ZNF407: variants seen among roughly 807,000 people sequenced by gnomAD.
The protein encoded by ZNF407 is zinc finger protein 407.
In ZNF407, 17 loss-of-function variants were observed where a neutral mutation model predicts 131.2. The observed-to-expected ratio is 0.13, with a 90% CI of 0.09 to 0.19. The LOEUF is 0.19. Ranked by LOEUF, ZNF407 falls within the 10% of genes least tolerant of loss-of-function variation. ZNF407 has a pLI of 1.00. For synonymous variants in ZNF407, 1,156 were observed against 1,062.0 expected (o/e 1.09, Z -1.72); for missense variants, 2,681 against 2,830.6 (o/e 0.95, Z 1.20).
intron 8 of ZNF407, among the ~76,000 whole-genome samples, chr18:74,942,512 A>G (rs571982796): frequency 1.3e-5 from 2 of 152,178 alleles, no homozygotes; most frequent in Admixed American, 1.3e-4. Flanking sequence ...GACTTTCCCT[A>G]CTTTGACCGG....
chr18:75,020,033 T>C (rs1379469159), intron 8 of ZNF407, among the ~76,000 whole-genome samples: 2 of 152,158 alleles, frequency 1.3e-5, no homozygotes, highest in Non-Finnish European at 2.9e-5. Flanking sequence ...CTAGTATCCA[T>C]CCTGGTCATC....
intron 3 of ZNF407, among the ~76,000 whole-genome samples, chr18:74,711,426 G>A (rs1243830866): frequency 1.3e-5 from 2 of 152,168 alleles, no homozygotes; most frequent in Non-Finnish European, 2.9e-5. Flanking sequence ...CGTAAGAGAA[G>A]GTATGATGAC....
At chr18:75,040,034 T>C (rs958491768) in intron 8 of ZNF407, among the ~76,000 whole-genome samples, 3 of 152,178 alleles carry the variant, frequency 2.0e-5, no homozygotes, top group Non-Finnish European at 2.9e-5. Flanking sequence ...CTCTGGTTCT[T>C]TCATTTAGAA....
chr18:74,910,410 C>T (rs1971653942), intron 7 of ZNF407, among the ~76,000 whole-genome samples: 1 of 152,008 alleles, frequency 6.6e-6, no homozygotes, highest in African/African-American at 2.4e-5. Flanking sequence ...GCTCCCCACC[C>T]CACCCTCATT....
chr18:74,710,499 A>C (rs993982301), intron 3 of ZNF407, among the ~76,000 whole-genome samples: 3 of 152,178 alleles, frequency 2.0e-5, no homozygotes, highest in African/African-American at 7.2e-5. Flanking sequence ...ACTGAATGTA[A>C]GTTCTTCCCC....
chr18:74,795,298 G>T (rs1386154453), intron 4 of ZNF407, among the ~76,000 whole-genome samples: 1 of 152,138 alleles, frequency 6.6e-6, no homozygotes, highest in Non-Finnish European at 1.5e-5. Context: ...AATTAATTTA[G>T]CCATTTGTGG....
At chr18:75,009,093 A>G (rs565439460) in intron 8 of ZNF407, among the ~76,000 whole-genome samples, 1 of 152,322 alleles carries the variant, frequency 6.6e-6, no homozygotes, top group African/African-American at 2.4e-5. Flanking sequence ...ATTCCAGAAT[A>G]TACTTTCAGG....
chr18:74,756,454 G>T (rs1968965643), intron 3 of ZNF407, among the ~76,000 whole-genome samples: 1 of 152,116 alleles, frequency 6.6e-6, no homozygotes, highest in African/African-American at 2.4e-5. Context: ...ATGAACATGG[G>T]ATTTCTTTCT....
At chr18:74,960,923 T>C (rs1186002289) in intron 8 of ZNF407, among the ~76,000 whole-genome samples, 1 of 148,918 alleles carries the variant, frequency 6.7e-6, no homozygotes, top group African/African-American at 2.5e-5. Context: ...GGTGAAGGGA[T>C]AGGAGAAGGT....
intron 4 of ZNF407, among the ~76,000 whole-genome samples, chr18:74,874,442 G>T (rs1971127828): frequency 6.6e-6 from 1 of 152,180 alleles, no homozygotes; most frequent in Non-Finnish European, 1.5e-5. Flanking sequence ...ATCTAGCCTA[G>T]GGTAAGCCAC....
chr18:74,986,618 G>A (rs1426858519), intron 8 of ZNF407, among the ~76,000 whole-genome samples: 2 of 152,112 alleles, frequency 1.3e-5, no homozygotes, highest in East Asian at 3.9e-4. Context: ...AACAACTACA[G>A]TGTGGTTTCG....
intron 8 of ZNF407, among the ~76,000 whole-genome samples, chr18:74,938,455 C>T (rs1455012107): frequency 6.6e-6 from 1 of 152,106 alleles, no homozygotes; most frequent in African/African-American, 2.4e-5. Flanking sequence ...TTAAGACGCT[C>T]TGTCTCTTTG....
At chr18:74,909,169 T>C (rs2628111) in intron 7 of ZNF407, among the ~76,000 whole-genome samples, 147,308 of 151,762 alleles carry the variant, frequency 0.97, 71,666 homozygotes, top group East Asian at 1. Flanking sequence ...TTTGCACACA[T>C]GATACACACC....
At position 74,684,443 on chromosome 18, in the gene ZNF407, C is replaced by T. The variant is rs187526448; in HGVS notation, c.4802+43321C>T. ...ATATATTTAAAAAGATGAATACTTA[C>T]GAAATAGTAAAGTGCTCTGGATAAA... is the stretch of plus-strand genomic sequence containing the variant. On this transcript the variant is annotated intron_variant, in intron 3 of 8. Transcript: ENST00000299687. Among the ~76,000 whole-genome samples the T allele has an allele frequency of 4.0e-4, 61 of 152,134 alleles. 1 individual carries two copies. The East Asian group carries it at 6.0e-3, about 15-fold the overall frequency.
intron 4 of ZNF407, among the ~76,000 whole-genome samples, chr18:74,853,624 CAA>C (rs990288715): frequency 1.3e-5 from 2 of 152,182 alleles, no homozygotes; most frequent in African/African-American, 4.8e-5. Flanking sequence ...TCCTTCATTA[CAA>C]AGAGTCTGCA....
intron 3 of ZNF407, among the ~76,000 whole-genome samples, chr18:74,731,692 C>T (rs1172521737): frequency 6.6e-6 from 1 of 152,066 alleles, no homozygotes; most frequent in African/African-American, 2.4e-5. Context: ...TCCAAATGGT[C>T]ATATATTATT....
chr18:74,732,639 G>T (rs1013255984), intron 3 of ZNF407, among the ~76,000 whole-genome samples: 1 of 152,084 alleles, frequency 6.6e-6, no homozygotes, highest in Admixed American at 6.6e-5. Context: ...AATCAGTTTT[G>T]TAATCAGCTT....
At chr18:74,840,185 A>G (rs1265464674) in intron 4 of ZNF407, among the ~76,000 whole-genome samples, 1 of 152,158 alleles carries the variant, frequency 6.6e-6, no homozygotes, top group Non-Finnish European at 1.5e-5. Flanking sequence ...CCTTACTAGT[A>G]ACTCCTTCTC....
At chr18:75,018,884 A>G (rs1032677438) in intron 8 of ZNF407, among the ~76,000 whole-genome samples, 2 of 152,242 alleles carry the variant, frequency 1.3e-5, no homozygotes, top group East Asian at 1.9e-4. Context: ...GTGCCTGTAG[A>G]GAGCACACAT....
Sources: allele counts gnomAD v4.1 joint callset (sites outside exome capture counted in the v4.1 genomes callset), GRCh38; gene constraint gnomAD v4.1.1; transcripts MANE v1.5; gene names NCBI Gene and HGNC (gene_info 2026-07-23, HGNC 2026-07-21).